GRK4: variants seen among roughly 807,000 people sequenced by gnomAD.
GRK4 encodes the protein G protein-coupled receptor kinase 4.
Under a neutral mutation model 77.9 loss-of-function variants are expected in GRK4, and 73 were observed. The ratio of observed to expected loss-of-function variants is 0.94; its 90% confidence interval spans 0.78 to 1.14. The LOEUF is 1.14. Among genes scored for constraint, GRK4 ranks in the 50% most tolerant of loss-of-function variants. The probability of loss-of-function intolerance (pLI) is 0.00; values close to 1 mark genes in which losing one functional copy is unlikely to be tolerated. For missense variants in GRK4, 729 were observed against 700.2 expected, an observed-to-expected ratio of 1.04 and a Z score of -0.46; for synonymous variants, 257 against 254.4, an observed-to-expected ratio of 1.01 and a Z score of -0.10.
chr4:3,026,902 C>T (rs1412841497), intron 10 of GRK4, among the ~76,000 whole-genome samples: 1 of 152,152 alleles, frequency 6.6e-6, no homozygotes, highest in Admixed American at 6.5e-5. Flanking sequence ...ATTCATTTCA[C>T]CAATAAATAT....
At chr4:2,997,789 T>A (rs1728368685) in intron 4 of GRK4, among the ~76,000 whole-genome samples, 1 of 151,342 alleles carries the variant, frequency 6.6e-6, no homozygotes, top group Admixed American at 6.6e-5. Context: ...ACGCCTATAG[T>A]CCCAGCTACT....
chr4:2,986,021 T>A (rs1724249962), intron 2 of GRK4, among the ~76,000 whole-genome samples: 2 of 145,494 alleles, frequency 1.4e-5, no homozygotes, highest in Admixed American at 6.8e-5. Flanking sequence ...AGATATAGAA[T>A]CATGTCTATA....
chr4:3,040,740 G>A lies in GRK4; in HGVS notation c.*115G>A, dbSNP rs1742158868. On this transcript the variant is annotated 3_prime_UTR_variant, in exon 16 of 16. Coordinates refer to ENST00000398052, the MANE Select transcript of GRK4 (RefSeq NM_182982.3). ...TCTAAATAAAACATGCCTTGGGAGT[G>A]TACAGACCTTTCTGCACTAATACCT... is the stretch of plus-strand genomic sequence containing the variant. 2.4e-6 allele frequency: 2 copies of A among 832,800 alleles called. No individual in the cohort carries two copies. The highest frequency in any genetic ancestry group is 2.4e-4 in the Middle Eastern group (1 of 4,248). The allele number at this position is 832,800 out of a possible 1,614,324, so 51.6% of individuals were successfully genotyped here.
At chr4:2,982,746 GC>G (rs1033316531) in intron 1 of GRK4, among the ~76,000 whole-genome samples, 54 of 152,322 alleles carry the variant, frequency 3.5e-4, no homozygotes, top group African/African-American at 1.2e-3. Context: ...AAAGATGATA[GC>G]CTTTTTTCAG....
chr4:2,969,913 G>C (rs1718976623), intron 1 of GRK4, among the ~76,000 whole-genome samples: 1 of 152,030 alleles, frequency 6.6e-6, no homozygotes, highest in Non-Finnish European at 1.5e-5. Flanking sequence ...CTGGACTCAA[G>C]TGATCCTACC....
In GRK4 at chr4:3,003,219, T is replaced by TCG. The variant is rs1272094272; in HGVS notation, c.340-1010_340-1009dup. 3.9e-5 allele frequency among the ~76,000 whole-genome samples: 6 copies of TCG among 152,320 alleles called. No homozygotes were observed. The South Asian group carries it at 1.0e-3, about 26-fold the overall frequency. On this transcript the variant is annotated intron_variant, in intron 4 of 15. Coordinates refer to ENST00000398052, the MANE Select transcript of GRK4 (RefSeq NM_182982.3). The stretch of plus-strand genomic sequence containing the variant: ...CTTTATTTATTTTTGAGATGGAGTT[T>TCG]CGCTCTGTCGTCCAGGCTGGAGGGC...
Position 2,963,865 on chromosome 4 carries a change from C to A in GRK4, c.-206C>A. 2 of 609,388 alleles carry A rather than the reference C, an allele frequency of 3.3e-6. No homozygotes were observed. Among genetic ancestry groups the A allele is most frequent in the South Asian group, 3.9e-5 (2 of 51,726 alleles). 37.7% of individuals were successfully genotyped at this position (609,388 alleles called of 1,614,324 possible). On this transcript the variant is annotated 5_prime_UTR_variant, in exon 1 of 16. In the 5' UTR this introduces an upstream ATG that the reference lacks. Coordinates refer to ENST00000398052, the MANE Select transcript of GRK4 (RefSeq NM_182982.3). ...CCCTCCCCTCGCCCCGACCGCTCCC[C>A]TGCTGGTGAGGGCCTGCGGAGGCGG...
At chr4:2,969,530 C>T (rs1462986895) in intron 1 of GRK4, among the ~76,000 whole-genome samples, 1 of 152,052 alleles carries the variant, frequency 6.6e-6, no homozygotes, top group African/African-American at 2.4e-5. Context: ...GCATGCACTA[C>T]CACGCCCGGC....
chr4:2,975,225 C>T (rs1720759157), intron 1 of GRK4, among the ~76,000 whole-genome samples: 1 of 152,130 alleles, frequency 6.6e-6, no homozygotes. Flanking sequence ...ATCGCTTGAA[C>T]CTGGGAGGTG....
intron 2 of GRK4, chr4:2,987,266 A>T: frequency 2.7e-6 from 1 of 363,726 alleles, no homozygotes. Context: ...TTGTCAAAGT[A>T]CTTCATCCTT....
At chr4:2,964,538 G>C (rs956961300) in intron 1 of GRK4, among the ~76,000 whole-genome samples, 4 of 152,162 alleles carry the variant, frequency 2.6e-5, no homozygotes, top group Non-Finnish European at 5.9e-5. Context: ...TAGCAGCCTG[G>C]GAACTACTCT....
intron 7 of GRK4, among the ~76,000 whole-genome samples, chr4:3,012,449 A>T (rs1733178269): frequency 1.3e-5 from 2 of 152,252 alleles, no homozygotes; most frequent in Non-Finnish European, 1.5e-5. Flanking sequence ...AACAGTCATT[A>T]TCTTGGAATT....
At chr4:3,016,056 C>T (rs1451473801) in intron 8 of GRK4, among the ~76,000 whole-genome samples, 1 of 151,060 alleles carries the variant, frequency 6.6e-6, no homozygotes, top group Non-Finnish European at 1.5e-5. Flanking sequence ...TTACAGGTGC[C>T]CACCACCACA....
intron 8 of GRK4, among the ~76,000 whole-genome samples, chr4:3,017,047 C>A (rs564895216): frequency 2.3e-4 from 35 of 152,384 alleles, no homozygotes; most frequent in African/African-American, 7.9e-4. Context: ...CCCCTGCCTG[C>A]ACCCTCGCCC....
rs1451442514 is a variant in GRK4 at position 2,996,097 on chromosome 4, C to T, written c.339+3805C>T. 3.3e-5 allele frequency among the ~76,000 whole-genome samples: 5 copies of T among 151,968 alleles called. No homozygotes were observed. In the East Asian group the frequency reaches 9.7e-4, roughly 29 times the overall value. The stretch of plus-strand genomic sequence containing the variant: ...TTTTTTTTTTTCCCCCTTCTTAATG[C>T]CAGCATCTGGCAAGGGCCTTCTTGC... On this transcript the variant is annotated intron_variant, in intron 4 of 15. Transcript: ENST00000398052.
chr4:3,000,082 C>G (rs1375522441), intron 4 of GRK4, among the ~76,000 whole-genome samples: 3 of 152,138 alleles, frequency 2.0e-5, no homozygotes. Context: ...TTTTAAAAAG[C>G]AAGGCACTAA....
chr4:3,038,273 G>C, intron 14 of GRK4, 103 bp from the exon 15 acceptor site: 1 of 1,424,042 alleles, frequency 7.0e-7, no homozygotes, highest in Non-Finnish European at 9.6e-7. Flanking sequence ...GGAGCTCTGA[G>C]GTGCCCCGCA....
At chr4:2,983,970 T>C (rs1205640176) in intron 1 of GRK4, among the ~76,000 whole-genome samples, 2 of 152,010 alleles carry the variant, frequency 1.3e-5, no homozygotes, top group African/African-American at 4.8e-5. Context: ...GAGAACTCCC[T>C]CATTATCGCA....
intron 1 of GRK4, among the ~76,000 whole-genome samples, chr4:2,977,221 C>T (rs1721479866): frequency 6.6e-6 from 1 of 152,122 alleles, no homozygotes; most frequent in South Asian, 2.1e-4. Flanking sequence ...GCTCCCTTCC[C>T]CAGCAAAATA....
Sources: allele counts gnomAD v4.1 joint callset (sites outside exome capture counted in the v4.1 genomes callset), GRCh38; gene constraint gnomAD v4.1.1; transcripts MANE v1.5; gene names NCBI Gene and HGNC (gene_info 2026-07-23, HGNC 2026-07-21).